Variants in IGDCC3 observed in about 807,000 individuals in gnomAD.
IGDCC3 encodes immunoglobulin superfamily DCC subclass member 3, also known as putative neuronal cell adhesion molecule.
In IGDCC3, 47 loss-of-function variants were observed where a neutral mutation model predicts 72.0. The ratio of observed to expected loss-of-function variants is 0.65; its 90% confidence interval spans 0.52 to 0.83. IGDCC3 has a LOEUF of 0.83. Ranked by LOEUF, IGDCC3 falls within the 40% of genes least tolerant of loss-of-function variation. The probability of loss-of-function intolerance (pLI) is 0.00; values close to 1 mark genes in which losing one functional copy is unlikely to be tolerated. For missense variants in IGDCC3, 1,038 were observed against 1,091.3 expected (o/e 0.95, Z 0.69); for synonymous variants, 477 against 472.8 (o/e 1.01, Z -0.11).
At chr15:65,352,448 C>T (rs2091180749) in intron 2 of IGDCC3, among the ~76,000 whole-genome samples, 1 of 152,184 alleles carries the variant, frequency 6.6e-6, no homozygotes, top group Non-Finnish European at 1.5e-5. Context: ...TCAAACTTGA[C>T]TTGTAGAGCT....
rs371434447 is a variant in IGDCC3 at position 65,329,475 on chromosome 15, C to T, written c.2120G>A (p.Arg707Gln). 27 of 1,610,808 alleles carry T rather than the reference C, an allele frequency of 1.7e-5. No homozygotes were observed. In the East Asian group the frequency reaches 2.2e-4, roughly 13 times the overall value. Residue 707 changes from arginine to glutamine, a missense_variant, in exon 13 of 14, where the codon CGA becomes CAA. Coordinates refer to ENST00000327987, the MANE Select transcript of IGDCC3 (RefSeq NM_004884.4). This position sits in a 1 kb window ranked among gnomAD's most constrained non-coding sequence, Gnocchi z 4.1. ...ARRGQRGQLG[R>Q]DEKRVDMKEL... ...CTTCATATCCACACGTTTCTCGTCT[C>T]GGCCCAGCTGGCCCCGCTGTCCCCG...
chr15:65,353,835 G>T (rs1484919336), intron 2 of IGDCC3, among the ~76,000 whole-genome samples: 1 of 152,286 alleles, frequency 6.6e-6, no homozygotes, highest in East Asian at 1.9e-4. Context: ...ATATCATCAA[G>T]AAATAACCAT....
chr15:65,356,137 C>T, intron 2 of IGDCC3: 1 of 187,128 alleles, frequency 5.3e-6, no homozygotes, highest in South Asian at 7.5e-5. Flanking sequence ...ATTCAAAGAC[C>T]TAATCCCATT....
At position 65,335,904 on chromosome 15, in the gene IGDCC3, A is replaced by G; in HGVS notation, c.462T>C (p.Gly154=). The change falls in exon 3 of 14, where the codon GGT becomes GGC. Residue 154 remains glycine, a synonymous_variant. Coordinates refer to ENST00000327987, the MANE Select transcript of IGDCC3 (RefSeq NM_004884.4). ...HPQATVGEEG[G]VARFQCQIHG... ...GGATTTGGCACTGGAAGCGGGCCAC[A>G]CCACCCTCCTCACCCACGGTGGCCT... The G allele has an allele frequency of 6.2e-7, 1 of 1,614,130 alleles. No individual in the cohort carries two copies. The highest frequency in any genetic ancestry group is 8.5e-7 in the Non-Finnish European group (1 of 1,179,970).
intron 5 of IGDCC3, 22 bp downstream of exon 5, chr15:65,334,706 G>A: frequency 6.5e-7 from 1 of 1,535,948 alleles, no homozygotes; most frequent in Non-Finnish European, 8.8e-7. Flanking sequence ...GGAGGGGCAG[G>A]GGCTGTGGGG....
At chr15:65,354,169 G>A (rs1279550835) in intron 2 of IGDCC3, among the ~76,000 whole-genome samples, 1 of 152,194 alleles carries the variant, frequency 6.6e-6, no homozygotes, top group Admixed American at 6.5e-5. Context: ...CCCTCCCAAA[G>A]TGCTGGGATT....
intron 5 of IGDCC3, chr15:65,334,437 T>G: frequency 7.7e-6 from 3 of 391,886 alleles, no homozygotes; most frequent in Admixed American, 4.5e-5. Context: ...TGCTGAAGGG[T>G]GCTGGGGTCC....
At position 65,329,270 on chromosome 15, in the gene IGDCC3, G is replaced by A. The variant is rs1179768308; in HGVS notation, c.2205+120C>T. On this transcript the variant is annotated intron_variant, in intron 13 of 13. Coordinates refer to ENST00000327987, the MANE Select transcript of IGDCC3 (RefSeq NM_004884.4). The surrounding 1 kb of genome is among the most constrained non-coding windows in gnomAD (Gnocchi z 4.1). ...GCCTGACTCAGGGACACAAAGAGAA[G>A]ACCTGCAGTTTGACTAAGGCCAATG... 6.7e-7 allele frequency: 1 copy of A among 1,485,090 alleles called. No homozygotes were observed. Among genetic ancestry groups the A allele is most frequent in the African/African-American group, 1.4e-5 (1 of 71,068 alleles). 92.0% of individuals were successfully genotyped at this position (1,485,090 alleles called of 1,614,324 possible).
In IGDCC3 at chr15:65,375,313, C is replaced by A; in HGVS notation, c.193G>T (p.Val65Leu). The A allele has an allele frequency of 1.2e-6, 2 of 1,614,030 alleles. No homozygotes were observed. The highest frequency in any genetic ancestry group is 1.7e-6 in the Non-Finnish European group (2 of 1,179,934). ...PGQPIVLDCR[V>L]EGTPPVRITW... ...ATTCGCACTGGAGGGGTCCCCTCCA[C>A]CCTGCAGTCCAGCACTATAGGCTGC... Residue 65 changes from valine (V) to leucine (L), a missense_variant, in exon 2 of 14, where the codon GTG becomes TTG. Coordinates refer to ENST00000327987, the MANE Select transcript of IGDCC3 (RefSeq NM_004884.4).
At chr15:65,368,803 C>T (rs944278329) in intron 2 of IGDCC3, among the ~76,000 whole-genome samples, 3 of 152,054 alleles carry the variant, frequency 2.0e-5, no homozygotes, top group Non-Finnish European at 4.4e-5. Context: ...CCATCCTCCC[C>T]GTTCACAAGC....
In IGDCC3 at chr15:65,327,578, A is replaced by T. The variant is rs1413134629; in HGVS notation, c.*1331T>A. On this transcript the variant is annotated 3_prime_UTR_variant, in exon 14 of 14. Coordinates refer to ENST00000327987, the MANE Select transcript of IGDCC3 (RefSeq NM_004884.4). ...TTTCTGAGTATAACCAAAAATAGGT[A>T]TTTGTTTCCTTGGTTTTCTTTTCTT... 2.0e-5 allele frequency: 3 copies of T among 152,446 alleles called. No individual in the cohort carries two copies. The highest frequency in any genetic ancestry group is 4.8e-5 in the African/African-American group (2 of 41,466). 9.4% of individuals were successfully genotyped at this position (152,446 alleles called of 1,614,324 possible).
rs796499867 is a variant in IGDCC3 at position 65,328,294 on chromosome 15, GC to G, written c.*614del. On this transcript the variant is annotated 3_prime_UTR_variant, in exon 14 of 14. Transcript: ENST00000327987. ...CTTTCACACCTGGAAACGGGGAAGT[GC>G]TTTTTTTTTTTTTTTTTTTTTTACT... 1 of 86,698 alleles carries G rather than the reference GC, an allele frequency of 1.2e-5. No homozygotes were observed. Among genetic ancestry groups the G allele is most frequent in the African/African-American group, 4.0e-5 (1 of 25,122 alleles). 5.4% of individuals were successfully genotyped at this position (86,698 alleles called of 1,614,324 possible). A position where few individuals can be genotyped will look rare whatever the true frequency, so the allele number is the denominator to read the frequency against.
At chr15:65,362,155 G>A (rs2091266217) in intron 2 of IGDCC3, among the ~76,000 whole-genome samples, 1 of 152,068 alleles carries the variant, frequency 6.6e-6, no homozygotes, top group East Asian at 1.9e-4. Flanking sequence ...GAATTGGAGA[G>A]CCGTGTTCAG....
chr15:65,333,020 C>CGCAGAGG (rs891579794), intron 6 of IGDCC3, among the ~76,000 whole-genome samples: 1 of 152,022 alleles, frequency 6.6e-6, no homozygotes, highest in South Asian at 2.1e-4. Flanking sequence ...TATTGACGGA[C>CGCAGAGG]CCGGAGGGCA....
chr15:65,373,301 C>T (rs1041277857), intron 2 of IGDCC3, among the ~76,000 whole-genome samples: 13 of 152,190 alleles, frequency 8.5e-5, no homozygotes, highest in African/African-American at 2.9e-4. Context: ...CCTCTGTCCA[C>T]GCTTCCCTTC....
rs1478502976 is a variant in IGDCC3, at chr15:65,330,556, G to C, written c.1747C>G (p.Gln583Glu). 6.2e-7 allele frequency: 1 copy of C among 1,612,884 alleles called. No homozygotes were observed. The highest frequency in any genetic ancestry group is 8.5e-7 in the Non-Finnish European group (1 of 1,179,736). Reference protein sequence around the residue: ...PGTVSSYNLSQLDPTAVYEVK... With the variant: ...PGTVSSYNLSELDPTAVYEVK... The stretch of plus-strand genomic sequence containing the variant: ...TGGGCTGTGTCTGCCTCACCGAGCT[G>C]GCTGAGGTTGTAGGAGGAGACGGTT... The change falls in exon 10 of 14, where the codon CAG becomes GAG. Residue 583 changes from glutamine (Q) to glutamate (E), a missense_variant. Gln to Glu is a conservative substitution (Grantham distance 29). Transcript: ENST00000327987.
intron 2 of IGDCC3, among the ~76,000 whole-genome samples, chr15:65,363,810 G>C (rs1205268699): frequency 2.0e-5 from 3 of 152,174 alleles, no homozygotes; most frequent in Non-Finnish European, 2.9e-5. Context: ...AAGGGAAAGG[G>C]AGCAAAGAGG....
rs141981389 is a variant in IGDCC3 at position 65,330,673 on chromosome 15, A to T, written c.1630T>A (p.Trp544Arg). The T allele has an allele frequency of 2.1e-4, 342 of 1,613,482 alleles. 4 individuals carry two copies. In the East Asian group the frequency reaches 6.5e-3, roughly 30 times the overall value. Residue 544 changes from tryptophan (W) to arginine (R), a missense_variant, in exon 10 of 14, where the codon TGG becomes AGG. By Grantham distance (101) the Trp-to-Arg change is moderately radical (BLOSUM62 -3). Transcript: ENST00000327987. ...CCCTCGTGCTGGGCCAGCCGGGGCC[A>T]AGGCTCCCACAGCAGCTGCAAGGAG... is the stretch of plus-strand genomic sequence containing the variant. ...SSSLQLLWEP[W>R]PRLAQHEGGF...
chr15:65,353,203 T>G (rs1595759618), intron 2 of IGDCC3, among the ~76,000 whole-genome samples: 2 of 150,074 alleles, frequency 1.3e-5, no homozygotes, highest in South Asian at 4.2e-4. Flanking sequence ...TTTTTTTTTT[T>G]CCTTCCTTCC....
Sources: allele counts gnomAD v4.1 joint callset (sites outside exome capture counted in the v4.1 genomes callset), GRCh38; gene constraint gnomAD v4.1.1; non-coding constraint Gnocchi (gnomAD v3.1); transcripts MANE v1.5; gene names NCBI Gene and HGNC (gene_info 2026-07-23, HGNC 2026-07-21).